The following S100PBP variants were observed in gnomAD, a reference collection of about 807,000 sequenced individuals.
S100PBP encodes the protein S100P-binding protein.
Under a neutral mutation model 39.9 loss-of-function variants are expected in S100PBP, and 15 were observed. That is an observed-to-expected ratio of 0.38 (90% CI 0.25 to 0.58). The LOEUF (loss-of-function observed/expected upper bound fraction) is 0.58, where lower values mean the gene tolerates loss of function less well. Among genes scored for constraint, S100PBP ranks in the 20% least tolerant of loss-of-function variants. S100PBP has a pLI of 0.70. For synonymous variants in S100PBP, 178 were observed against 180.3 expected, an observed-to-expected ratio of 0.99 and a Z score of 0.10; for missense variants, 504 against 487.3, an observed-to-expected ratio of 1.03 and a Z score of -0.32.
At chr1:32,827,853 G>T in intron 3 of S100PBP, 140 bp from the exon 4 acceptor site, 4 of 343,176 alleles carry the variant, frequency 1.2e-5, no homozygotes, top group Non-Finnish European at 2.2e-5. Flanking sequence ...AAGCACTACT[G>T]TTATACGTGG....
At chr1:32,823,314 A>G (rs1473522482) in intron 1 of S100PBP, among the ~76,000 whole-genome samples, 1 of 152,216 alleles carries the variant, frequency 6.6e-6, no homozygotes, top group Non-Finnish European at 1.5e-5. Context: ...AATGTTTTCC[A>G]TACTAAACTT....
chr1:32,845,660 A>T (rs901540647), intron 5 of S100PBP, among the ~76,000 whole-genome samples: 1 of 151,150 alleles, frequency 6.6e-6, no homozygotes, highest in African/African-American at 2.4e-5. Flanking sequence ...TGCATCCCAC[A>T]CATTTTGATA....
chr1:32,822,528 A>G (rs1028642090), intron 1 of S100PBP, among the ~76,000 whole-genome samples: 2 of 151,384 alleles, frequency 1.3e-5, no homozygotes, highest in East Asian at 1.9e-4. Context: ...GAAGCAGGAG[A>G]ATGGTGTGAA....
chr1:32,818,452 A>G (rs189151838), intron 1 of S100PBP: 14 of 152,384 alleles, frequency 9.2e-5, no homozygotes, highest in African/African-American at 2.9e-4. Context: ...TGGGCCCTGG[A>G]AAGGTCCTAG....
chr1:32,841,590 G>A lies in S100PBP; in HGVS notation c.1025-11489G>A, dbSNP rs570808247. Reference sequence around the variant, plus strand: ...ACTAAAAATACAAAATTAGCTGGGCGTAGTGGCGCATGCCTGTAATCCTAG... The same window carrying A: ...ACTAAAAATACAAAATTAGCTGGGCATAGTGGCGCATGCCTGTAATCCTAG... On this transcript the variant is annotated intron_variant, in intron 5 of 6. Transcript: ENST00000373475. Among the ~76,000 whole-genome samples the A allele has an allele frequency of 9.2e-5, 14 of 151,810 alleles. No homozygotes were observed. In the East Asian group the frequency reaches 9.7e-4, roughly 11 times the overall value.
At chr1:32,840,421 T>A (rs1437694420) in intron 5 of S100PBP, among the ~76,000 whole-genome samples, 1 of 152,172 alleles carries the variant, frequency 6.6e-6, no homozygotes, top group African/African-American at 2.4e-5. Context: ...AATGGCATGA[T>A]CTTGGCTCGC....
chr1:32,858,528 T>C lies in S100PBP; in HGVS notation c.*2490T>C, dbSNP rs1222187224. 1 of 152,422 alleles carries C rather than the reference T, an allele frequency of 6.6e-6. No individual in the cohort carries two copies. Among genetic ancestry groups the C allele is most frequent in the African/African-American group, 2.4e-5 (1 of 41,448 alleles). The allele number at this position is 152,422 out of a possible 1,614,324, so 9.4% of individuals were successfully genotyped here. On this transcript the variant is annotated 3_prime_UTR_variant, in exon 7 of 7. Transcript: ENST00000373475. Reference sequence around the variant, plus strand: ...GTTTTCATCTCTTTTCAAAGCTGCATATCTCTTATATTTGGTATTGGCCTC... The same window carrying C: ...GTTTTCATCTCTTTTCAAAGCTGCACATCTCTTATATTTGGTATTGGCCTC...
intron 5 of S100PBP, chr1:32,837,106 T>TGGCGGGTGCCTGCA: frequency 1.0e-5 from 1 of 98,484 alleles, no homozygotes; most frequent in East Asian, 3.0e-4. Context: ...TAGCCTGGTG[T>TGGCGGGTGCCTGCA]GGTGGCGGGT....
At chr1:32,838,996 T>C (rs1481919733) in intron 5 of S100PBP, among the ~76,000 whole-genome samples, 2 of 152,186 alleles carry the variant, frequency 1.3e-5, no homozygotes, top group Non-Finnish European at 2.9e-5. Flanking sequence ...GGTCTTGCTG[T>C]ATTTCCCAGG....
At chr1:32,838,813 A>C (rs190064103) in intron 5 of S100PBP, among the ~76,000 whole-genome samples, 3 of 151,946 alleles carry the variant, frequency 2.0e-5, no homozygotes, top group Admixed American at 2.0e-4. Context: ...ATTGCACTTC[A>C]GCCTGGGTGA....
At position 32,828,048 on chromosome 1, in the gene S100PBP, G is replaced by A. The variant is rs1015352816; in HGVS notation, c.887G>A (p.Gly296Asp). 3.1e-6 allele frequency: 5 copies of A among 1,609,788 alleles called. No individual in the cohort carries two copies. The Admixed American group carries it at 5.0e-5, about 16-fold the overall frequency. Residue 296 changes from glycine to aspartate, a missense_variant, in exon 4 of 7, where the codon GGC becomes GAC. Gly to Asp is a moderately conservative substitution (Grantham distance 94). Transcript: ENST00000373475. ...GKMKGHERRL[G>D]KVIPVLQTKT... ...ATGAAAGGCCATGAGAGAAGACTAG[G>A]CAAAGTCATTCCTGTTCTACAAACT...
intron 1 of S100PBP, among the ~76,000 whole-genome samples, chr1:32,824,664 G>A (rs1284553649): frequency 6.6e-6 from 1 of 151,432 alleles, no homozygotes; most frequent in Non-Finnish European, 1.5e-5. Flanking sequence ...CCATCCTCAA[G>A]TGATCCTCTC....
intron 5 of S100PBP, among the ~76,000 whole-genome samples, chr1:32,849,666 C>G (rs1283897378): frequency 6.6e-6 from 1 of 152,142 alleles, no homozygotes; most frequent in East Asian, 1.9e-4. Flanking sequence ...GGTACATGAG[C>G]TGAGATCTAA....
At chr1:32,817,570 T>TC, upstream of S100PBP, 1 of 491,896 alleles carries the variant, frequency 2.0e-6, no homozygotes, top group East Asian at 3.5e-5. Context: ...TGGTTTGCCC[T>TC]CCCCCTGGTG....
chr1:32,832,655 C>T (rs146886276), intron 5 of S100PBP, among the ~76,000 whole-genome samples: 2 of 152,116 alleles, frequency 1.3e-5, no homozygotes, highest in Admixed American at 6.5e-5. Flanking sequence ...TGTTCTTCAC[C>T]TTTCCTCCAT....
intron 1 of S100PBP, among the ~76,000 whole-genome samples, chr1:32,821,215 G>A (rs1414335019): frequency 1.3e-5 from 2 of 151,990 alleles, no homozygotes; most frequent in East Asian, 1.9e-4. Context: ...TGAGGCGGAC[G>A]GATCACGAGG....
chr1:32,816,884 C>T (rs1351155259), upstream of S100PBP: 3 of 555,748 alleles, frequency 5.4e-6, no homozygotes, highest in Non-Finnish European at 3.2e-6. Context: ...TTGACGTATC[C>T]CCAGCGACTA....
chr1:32,829,914 TC>T (rs769931033), intron 4 of S100PBP, 49 bp from the exon 5 acceptor site: 46 of 1,301,062 alleles, frequency 3.5e-5, no homozygotes, highest in Non-Finnish European at 4.7e-5. Flanking sequence ...AACGCTATAT[TC>T]CTGTTTCTAA....
intron 5 of S100PBP, among the ~76,000 whole-genome samples, chr1:32,838,468 C>G (rs938963335): frequency 1.3e-5 from 2 of 152,058 alleles, no homozygotes; most frequent in Non-Finnish European, 2.9e-5. Context: ...GGTATGGTCA[C>G]TATTTTAAAA....
Sources: allele counts gnomAD v4.1 joint callset (sites outside exome capture counted in the v4.1 genomes callset), GRCh38; gene constraint gnomAD v4.1.1; transcripts MANE v1.5; gene names NCBI Gene and HGNC (gene_info 2026-07-23, HGNC 2026-07-21).